Variants in BTBD1 observed in about 807,000 individuals in gnomAD.
BTBD1 encodes BTB domain containing 1, also known as BTB/POZ domain-containing protein 1.
Under a neutral mutation model 48.0 loss-of-function variants are expected in BTBD1, and 34 were observed. The observed-to-expected ratio is 0.71, with a 90% CI of 0.54 to 0.94. The LOEUF is 0.94. BTBD1 is among the 40% of genes least tolerant of loss of function. The pLI is 0.00. For missense variants in BTBD1, 543 were observed against 625.6 expected (o/e 0.87, Z 1.41); for synonymous variants, 261 against 242.1 (o/e 1.08, Z -0.72).
At chr15:83,043,899 G>A (rs1282261302) in intron 3 of BTBD1, among the ~76,000 whole-genome samples, 3 of 152,106 alleles carry the variant, frequency 2.0e-5, no homozygotes, top group Non-Finnish European at 2.9e-5. Context: ...TCCTCACTCA[G>A]AACCCTTTTC....
chr15:83,037,646 C>G (rs1267801446), intron 4 of BTBD1, among the ~76,000 whole-genome samples: 1 of 152,190 alleles, frequency 6.6e-6, no homozygotes, highest in Non-Finnish European at 1.5e-5. Flanking sequence ...GATGCTCACT[C>G]TAACCACTCC....
At chr15:83,028,080 G>A (rs1174224108) in intron 5 of BTBD1, among the ~76,000 whole-genome samples, 2 of 152,128 alleles carry the variant, frequency 1.3e-5, no homozygotes, top group African/African-American at 4.8e-5. Flanking sequence ...ATTAAAAAAA[G>A]AGAGAACTGG....
chr15:83,027,592 CT>C (rs1596425505), intron 5 of BTBD1, among the ~76,000 whole-genome samples: 2 of 152,274 alleles, frequency 1.3e-5, no homozygotes. Context: ...AGAGCCTTGC[CT>C]TGTTCAGCCA....
intron 4 of BTBD1, among the ~76,000 whole-genome samples, chr15:83,032,456 T>C (rs2032535834): frequency 6.6e-6 from 1 of 152,098 alleles, no homozygotes; most frequent in African/African-American, 2.4e-5. Flanking sequence ...CACTACCAAC[T>C]GCAAAAATAT....
chr15:83,036,103 CAA>C (rs563839312), intron 4 of BTBD1, among the ~76,000 whole-genome samples: 87 of 75,090 alleles, frequency 1.2e-3, no homozygotes, highest in African/African-American at 2.8e-3. Context: ...GTATCATTAC[CAA>C]AAAAAAAAAA....
intron 3 of BTBD1, among the ~76,000 whole-genome samples, chr15:83,045,739 C>G (rs765340051): frequency 6.6e-6 from 1 of 152,094 alleles, no homozygotes; most frequent in African/African-American, 2.4e-5. Flanking sequence ...TATGGCACCA[C>G]GAAGCCCTTT....
chr15:83,046,475 A>T (rs2032880893), intron 3 of BTBD1, among the ~76,000 whole-genome samples: 1 of 152,200 alleles, frequency 6.6e-6, no homozygotes, highest in Non-Finnish European at 1.5e-5. Context: ...AACAACTGTG[A>T]GTCAAATCAA....
intron 5 of BTBD1, 129 bp from the exon 6 acceptor site, chr15:83,020,891 T>A (rs1190181399): frequency 3.6e-6 from 2 of 558,670 alleles, no homozygotes; most frequent in Non-Finnish European, 6.2e-6. Flanking sequence ...AAATTAGATA[T>A]CCTTGGAAAT....
chr15:83,036,540 A>C (rs1427458592), intron 4 of BTBD1, among the ~76,000 whole-genome samples: 1 of 152,188 alleles, frequency 6.6e-6, no homozygotes, highest in Non-Finnish European at 1.5e-5. Flanking sequence ...ACTAAAGCCG[A>C]CCATATGCAC....
rs188626671 is a variant in BTBD1 at position 83,065,078 on chromosome 15, A to G, written c.401+1673T>C. ...CAAGTGCTATCCGTCATATTTAGTG[A>G]CTGCATTATATCTCATCAAGTGAAC... On this transcript the variant is annotated intron_variant, in intron 1 of 7. Transcript: ENST00000261721. 4.0e-3 allele frequency among the ~76,000 whole-genome samples: 613 copies of G among 152,296 alleles called. 2 individuals carry two copies. The highest frequency in any genetic ancestry group is 8.2e-3 in the Admixed American group (126 of 15,294).
intron 4 of BTBD1, among the ~76,000 whole-genome samples, chr15:83,040,699 C>CAAAAAAAA (rs71156070): frequency 1.7e-5 from 1 of 57,216 alleles, no homozygotes; most frequent in African/African-American, 6.6e-5. Context: ...GACCCTGTCT[C>CAAAAAAAA]AAAAAAAAAA....
chr15:83,039,426 T>A (rs2032695297), intron 4 of BTBD1, among the ~76,000 whole-genome samples: 1 of 152,118 alleles, frequency 6.6e-6, no homozygotes, highest in South Asian at 2.1e-4. Flanking sequence ...ATGGTGGGAA[T>A]GTAGATAAGG....
At chr15:83,038,616 T>C (rs1363803147) in intron 4 of BTBD1, among the ~76,000 whole-genome samples, 2 of 151,466 alleles carry the variant, frequency 1.3e-5, no homozygotes, top group Non-Finnish European at 2.9e-5. Context: ...AAGAACAAAA[T>C]TGGAGGCATC....
At chr15:83,060,794 AAAAATAAAAT>A (rs541100695) in intron 1 of BTBD1, among the ~76,000 whole-genome samples, 1 of 152,228 alleles carries the variant, frequency 6.6e-6, no homozygotes, top group Non-Finnish European at 1.5e-5. Context: ...CTCTATCTCA[AAAAATAAAAT>A]AAAATAAAAT....
rs759012257 is a variant in BTBD1 at position 83,020,720 on chromosome 15, C to A, written c.1098G>T (p.Leu366Phe). The change falls in exon 6 of 8, where the codon TTG becomes TTT. Residue 366 changes from leucine to phenylalanine, a missense_variant. Leu to Phe is a conservative substitution (Grantham distance 22). This residue lies in a region of BTBD1 where 300 missense variants were observed against 350.0 expected (regional missense o/e 0.86). Coordinates refer to ENST00000261721, the MANE Select transcript of BTBD1 (RefSeq NM_025238.4). ...CTGTAGGGCCATGAATAGATCCATA[C>A]AAGCCAAATCCAACTATAGAGATCC... is the stretch of plus-strand genomic sequence containing the variant. ...NRRISIVGFGLYGSIHGPTDY... is the reference protein window; with the variant it reads ...NRRISIVGFGFYGSIHGPTDY... The A allele has an allele frequency of 6.2e-7, 1 of 1,609,098 alleles. No individual in the cohort carries two copies. Among genetic ancestry groups the A allele is most frequent in the Non-Finnish European group, 8.5e-7 (1 of 1,176,024 alleles).
chr15:83,062,441 T>A (rs1179040252), intron 1 of BTBD1, among the ~76,000 whole-genome samples: 1 of 152,200 alleles, frequency 6.6e-6, no homozygotes, highest in African/African-American at 2.4e-5. Context: ...ACCTACAGAA[T>A]CATAAGCAAG....
chr15:83,026,378 C>T (rs2032407192), intron 5 of BTBD1, among the ~76,000 whole-genome samples: 1 of 152,040 alleles, frequency 6.6e-6, no homozygotes, highest in African/African-American at 2.4e-5. Flanking sequence ...AACTGGATTT[C>T]CTGAAATGCA....
chr15:83,045,360 T>C (rs1336846492), intron 3 of BTBD1, among the ~76,000 whole-genome samples: 1 of 152,004 alleles, frequency 6.6e-6, no homozygotes. Context: ...CAGGGCGTGG[T>C]GGCAGGTGCC....
chr15:83,026,446 GT>G (rs1478005497), intron 5 of BTBD1, among the ~76,000 whole-genome samples: 3 of 151,030 alleles, frequency 2.0e-5, no homozygotes, highest in African/African-American at 7.3e-5. Context: ...ATTCATGTAG[GT>G]AAAAAATCTG....
Sources: allele counts gnomAD v4.1 joint callset (sites outside exome capture counted in the v4.1 genomes callset), GRCh38; gene constraint gnomAD v4.1.1; regional missense constraint gnomAD v4.1.1; transcripts MANE v1.5; gene names NCBI Gene and HGNC (gene_info 2026-07-23, HGNC 2026-07-21).